LDB1: variants seen among roughly 807,000 people sequenced by gnomAD.
LDB1 encodes LIM domain binding 1.
LDB1 carries 6 observed loss-of-function variants against 49.7 expected under a neutral mutation model. The observed-to-expected ratio is 0.12, with a 90% confidence interval of 0.07 to 0.24. The LOEUF (loss-of-function observed/expected upper bound fraction) is 0.24. Among genes scored for constraint, LDB1 ranks in the 10% least tolerant of loss-of-function variants. The probability of loss-of-function intolerance (pLI) is 1.00; values close to 1 mark genes in which losing one functional copy is unlikely to be tolerated. For missense variants in LDB1, 341 were observed against 561.7 expected, an observed-to-expected ratio of 0.61 and a Z score of 3.97; for synonymous variants, 233 against 202.0, an observed-to-expected ratio of 1.15 and a Z score of -1.30.
Position 102,111,460 on chromosome 10 carries a change from G to A in LDB1, c.102C>T (p.Pro34=), listed in dbSNP as rs372617907. 103 of 1,568,732 alleles carry A rather than the reference G, an allele frequency of 6.6e-5. No individual in the cohort carries two copies. Among genetic ancestry groups the A allele is most frequent in the Non-Finnish European group, 7.3e-5 (84 of 1,155,770 alleles). The change falls in exon 2 of 11, where the codon CCC becomes CCT. Residue 34 remains proline, a synonymous_variant. Transcript: ENST00000673968. The part of the protein sequence containing the change: ...PNGNAFPPFH[P]GTMLDRDVGP... ...CCACATCCCTATCCAGCATGGTGCCGGGATGGAAGGGGGGAAAGGCGTTGC... is the reference window on the plus strand; with the variant it reads ...CCACATCCCTATCCAGCATGGTGCCAGGATGGAAGGGGGGAAAGGCGTTGC...
intron 1 of LDB1, chr10:102,114,327 C>A (rs563552582): frequency 2.8e-5 from 28 of 985,982 alleles, no homozygotes; most frequent in Middle Eastern, 5.2e-4. Flanking sequence ...CACCTCTCCC[C>A]CAGCCCGCAG....
At chr10:102,105,977 AAAAT>A (rs1056195690), downstream of LDB1, among the ~76,000 whole-genome samples, 3 of 152,022 alleles carry the variant, frequency 2.0e-5, no homozygotes, top group Admixed American at 2.0e-4. Context: ...ACTCCATCTC[AAAAT>A]AAATAAACCA....
downstream of LDB1, among the ~76,000 whole-genome samples, chr10:102,106,090 C>T (rs2068157045): frequency 6.6e-6 from 1 of 152,078 alleles, no homozygotes; most frequent in African/African-American, 2.4e-5. Flanking sequence ...CTAACCCAAG[C>T]CCCCTCCTGG....
At position 102,109,525 on chromosome 10, in the gene LDB1, G is replaced by A. The variant is rs117131154; in HGVS notation, c.733-18C>T. 0.011 allele frequency: 17,678 copies of A among 1,614,134 alleles called. 104 individuals are homozygous for A. The highest frequency in any genetic ancestry group is 0.025 in the Middle Eastern group (149 of 6,062). ...ACACAGAGCTAGGGGTAGACAAGGA[G>A]GTGGCTTGTCAGGGGACAGACATGG... On this transcript the variant is annotated intron_variant, in intron 8 of 10. Coordinates refer to ENST00000673968, the MANE Select transcript of LDB1 (RefSeq NM_001113407.3). The surrounding 1 kb of genome is among the most constrained non-coding windows in gnomAD (Gnocchi z 5.8).
chr10:102,104,476 G>C (rs2068139539), downstream of LDB1, among the ~76,000 whole-genome samples: 1 of 152,120 alleles, frequency 6.6e-6, no homozygotes, highest in African/African-American at 2.4e-5. Context: ...GCCCACATAT[G>C]TACCTGAAAA....
intron 1 of LDB1, chr10:102,114,812 G>GGGGGGCCCCCCC: frequency 6.6e-5 from 61 of 929,766 alleles, no homozygotes; most frequent in South Asian, 9.9e-5. Context: ...CCTCCGAGCA[G>GGGGGGCCCCCCC]CCCGCCCGCC....
rs1442176036 is a variant in LDB1, at chr10:102,111,299, G to A, written c.130C>T (p.Pro44Ser). 1.9e-6 allele frequency: 3 copies of A among 1,613,976 alleles called. No homozygotes were observed. In the African/African-American group the frequency reaches 4.0e-5, roughly 22 times the overall value. The change falls in exon 3 of 11, where the codon CCA becomes TCA. Residue 44 changes from proline to serine, a missense_variant and splice_region_variant. By Grantham distance (74) the Pro-to-Ser change is moderately conservative. Coordinates refer to ENST00000673968, the MANE Select transcript of LDB1 (RefSeq NM_001113407.3). ...TATGTAGGCGGATACATGGGAGTTG[G>A]GCTGTGTAAAGGAAGAGGCTATGAG... is the stretch of plus-strand genomic sequence containing the variant. ...PGTMLDRDVG[P>S]TPMYPPTYLE...
At chr10:102,120,955 C>T (rs1343467450), upstream of LDB1, among the ~76,000 whole-genome samples, 1 of 152,196 alleles carries the variant, frequency 6.6e-6, no homozygotes, top group Non-Finnish European at 1.5e-5. Flanking sequence ...GTTTCGCGTC[C>T]CTACCCTAGG....
chr10:102,108,459 A>AC, intron 10 of LDB1, 136 bp from the exon 11 acceptor site: 1 of 640,602 alleles, frequency 1.6e-6, no homozygotes. Context: ...CGAATTTAAA[A>AC]CCCCAACTCC....
intron 1 of LDB1, among the ~76,000 whole-genome samples, chr10:102,112,923 G>A (rs2068276443): frequency 1.3e-5 from 2 of 152,132 alleles, no homozygotes; most frequent in Admixed American, 1.3e-4. Flanking sequence ...TTGGGTATGA[G>A]CCAGGTACCC....
At chr10:102,105,796 T>C (rs1236397883), downstream of LDB1, among the ~76,000 whole-genome samples, 1 of 138,848 alleles carries the variant, frequency 7.2e-6, no homozygotes, top group Admixed American at 7.3e-5. Context: ...ACCCTATCTC[T>C]ACTAAAAAAA....
chr10:102,120,446 C>T (rs1354269122), upstream of LDB1: 13 of 964,652 alleles, frequency 1.3e-5, no homozygotes, highest in Non-Finnish European at 1.2e-5. Flanking sequence ...CCCCCCTCTC[C>T]GCCCTCGCGC....
At chr10:102,110,067 C>G in intron 6 of LDB1, 24 bp from the exon 7 acceptor site, 1 of 1,605,606 alleles carries the variant, frequency 6.2e-7, no homozygotes, top group Non-Finnish European at 8.5e-7. Flanking sequence ...TGTCAGAACC[C>G]TGCCCCCTCC....
chr10:102,120,354 G>A lies in LDB1; in HGVS notation c.-244C>T, dbSNP rs1225193394. The A allele has an allele frequency of 1.0e-6, 1 of 984,536 alleles. No individual in the cohort carries two copies. Among genetic ancestry groups the A allele is most frequent in the African/African-American group, 1.7e-5 (1 of 57,230 alleles). 61.0% of individuals were successfully genotyped at this position (984,536 alleles called of 1,614,324 possible). On this transcript the variant is annotated 5_prime_UTR_variant, in exon 1 of 11. Transcript: ENST00000673968. ...TCTGCGTGTGTGCGCGCGGGTGTGA[G>A]TCCGCGGAGTGTGTGTCCGTGTGTG...
In LDB1 at chr10:102,109,134, C is replaced by T; in HGVS notation, c.900G>A (p.Lys300=). 1.9e-6 allele frequency: 3 copies of T among 1,614,146 alleles called. No homozygotes were observed. The highest frequency in any genetic ancestry group is 2.5e-6 in the Non-Finnish European group (3 of 1,180,002). ...AGCTCATGGTGCTGCCCCCTGACATCTTCCGTTTCCGCCGTTTGCTGGGCT... is the reference window on the plus strand; with the variant it reads ...AGCTCATGGTGCTGCCCCCTGACATTTTCCGTTTCCGCCGTTTGCTGGGCT... ...RQQPSKRRKR[K]MSGGSTMSSG... Residue 300 remains lysine (K), a synonymous_variant, in exon 10 of 11, where the codon AAG becomes AAA. Transcript: ENST00000673968. The surrounding 1 kb of genome is among the most constrained non-coding windows in gnomAD (Gnocchi z 5.8).
chr10:102,119,751 G>A (rs1181662758), intron 1 of LDB1, among the ~76,000 whole-genome samples: 1 of 148,850 alleles, frequency 6.7e-6, no homozygotes, highest in Non-Finnish European at 1.5e-5. Context: ...ACCTGAGGGG[G>A]GGGGTCAAAA....
At chr10:102,115,678 A>G (rs2133526174) in intron 1 of LDB1, among the ~76,000 whole-genome samples, 1 of 152,132 alleles carries the variant, frequency 6.6e-6, no homozygotes, top group East Asian at 1.9e-4. Context: ...TTGGCCATCC[A>G]AGGGTCCCCA....
In LDB1 at chr10:102,106,734, T is replaced by G. The variant is rs2068165619; in HGVS notation, c.*1359A>C. Among the ~76,000 whole-genome samples, 2 of 151,722 alleles carry G rather than the reference T, an allele frequency of 1.3e-5. No homozygotes were observed. The highest frequency in any genetic ancestry group is 2.9e-5 in the Non-Finnish European group (2 of 67,912). On this transcript the variant is annotated 3_prime_UTR_variant, in exon 11 of 11. Coordinates refer to ENST00000673968, the MANE Select transcript of LDB1 (RefSeq NM_001113407.3). ...GGGAAGAGTGGGGAGAGAGGTGGTG[T>G]TAGCACTTCCTGGGACTGGCCACAG...
rs886093679 is a variant in LDB1 at position 102,111,051 on chromosome 10, C to G, written c.249+18G>C. On this transcript the variant is annotated intron_variant, in intron 4 of 10. Transcript: ENST00000673968. ...CAGATGGCCCTCCTGCTCCCAGCCC[C>G]TTTTCCCTTGGCCATACCTCTGTCC... is the stretch of plus-strand genomic sequence containing the variant. 1.9e-6 allele frequency: 3 copies of G among 1,613,882 alleles called. No homozygotes were observed. The South Asian group carries it at 3.3e-5, about 18-fold the overall frequency.
Sources: gnomAD v4.1 joint callset for allele counts (sites outside exome capture counted in the v4.1 genomes callset) on GRCh38, gnomAD v4.1.1 for gene constraint, Gnocchi (gnomAD v3.1) non-coding constraint, MANE v1.5 for transcripts, NCBI Gene and HGNC (gene_info 2026-07-23, HGNC 2026-07-21) for gene names.